PARD3B: variants seen among roughly 807,000 people sequenced by gnomAD.
The protein encoded by PARD3B is par-3 family cell polarity regulator beta, also known as partitioning defective 3 homolog B.
In PARD3B, 103 loss-of-function variants were observed where a neutral mutation model predicts 130.2. That is an observed-to-expected ratio of 0.79 (90% CI 0.67 to 0.93). PARD3B has a LOEUF of 0.93. PARD3B is among the 40% of genes least tolerant of loss of function. The pLI, the probability that PARD3B is intolerant of heterozygous loss-of-function variation, is 0.00. For synonymous variants in PARD3B, 583 were observed against 553.2 expected (o/e 1.05, Z -0.76); for missense variants, 1,609 against 1,499.2 (o/e 1.07, Z -1.21).
intron 2 of PARD3B, among the ~76,000 whole-genome samples, chr2:204,961,997 G>A (rs78372132): frequency 0.045 from 6,772 of 152,174 alleles, 214 homozygotes; most frequent in Middle Eastern, 0.13. Flanking sequence ...AAAATGGGGT[G>A]GGACCTGTGG....
chr2:205,459,342 T>G (rs2048373399), intron 20 of PARD3B, among the ~76,000 whole-genome samples: 1 of 152,146 alleles, frequency 6.6e-6, no homozygotes, highest in Non-Finnish European at 1.5e-5. Flanking sequence ...ATTATTCTCA[T>G]GAGAGTAAGA....
At chr2:204,850,196 G>C (rs1030090723) in intron 2 of PARD3B, among the ~76,000 whole-genome samples, 3 of 152,084 alleles carry the variant, frequency 2.0e-5, no homozygotes, top group African/African-American at 7.2e-5. Context: ...TTTGTTTCAT[G>C]GAAAACAGTA....
At chr2:205,197,669 T>C (rs1166448794) in intron 15 of PARD3B, among the ~76,000 whole-genome samples, 1 of 152,234 alleles carries the variant, frequency 6.6e-6, no homozygotes, top group Non-Finnish European at 1.5e-5. Context: ...TTTAAATAAT[T>C]GCATGTAGTC....
intron 4 of PARD3B, among the ~76,000 whole-genome samples, chr2:205,093,093 G>A (rs573348647): frequency 1.3e-5 from 2 of 152,134 alleles, no homozygotes; most frequent in Admixed American, 6.5e-5. Flanking sequence ...TGGCAACTTC[G>A]AATGCAGAGA....
intron 22 of PARD3B, 46 bp downstream of exon 22, chr2:205,553,449 A>G: frequency 6.4e-7 from 1 of 1,560,314 alleles, no homozygotes; most frequent in Non-Finnish European, 8.8e-7. Flanking sequence ...CTACAAATGA[A>G]GTCTTTAGAG....
chr2:204,728,068 C>T (rs765652719), intron 2 of PARD3B, among the ~76,000 whole-genome samples: 5 of 152,198 alleles, frequency 3.3e-5, no homozygotes, highest in African/African-American at 7.2e-5. Flanking sequence ...GCACTTAGCG[C>T]GGGAGGATGC....
At chr2:205,314,926 C>T (rs544265880) in intron 18 of PARD3B, among the ~76,000 whole-genome samples, 1 of 152,144 alleles carries the variant, frequency 6.6e-6, no homozygotes. Context: ...TCCACCCTTC[C>T]GTCAGTCAAC....
At chr2:204,557,011 T>C (rs1244822527) in intron 1 of PARD3B, among the ~76,000 whole-genome samples, 1 of 152,056 alleles carries the variant, frequency 6.6e-6, no homozygotes, top group Non-Finnish European at 1.5e-5. Context: ...TCAGGATTTT[T>C]TTTTTTTTGA....
At chr2:204,866,669 G>A (rs1273360083) in intron 2 of PARD3B, among the ~76,000 whole-genome samples, 1 of 151,098 alleles carries the variant, frequency 6.6e-6, no homozygotes, top group Non-Finnish European at 1.5e-5. Context: ...ATATATATGT[G>A]TATATATACA....
intron 2 of PARD3B, among the ~76,000 whole-genome samples, chr2:204,749,978 A>C (rs1456777282): frequency 6.6e-6 from 1 of 152,180 alleles, no homozygotes; most frequent in Non-Finnish European, 1.5e-5. Context: ...TTACTTGTTA[A>C]CACTCATCTC....
intron 21 of PARD3B, among the ~76,000 whole-genome samples, chr2:205,515,268 A>G (rs1408182097): frequency 1.4e-4 from 21 of 152,078 alleles, no homozygotes; most frequent in Admixed American, 1.4e-3. Context: ...GGTTGATTCC[A>G]TGTCTTTACT....
At chr2:205,456,135 C>T (rs1368706494) in intron 20 of PARD3B, among the ~76,000 whole-genome samples, 1 of 152,076 alleles carries the variant, frequency 6.6e-6, no homozygotes, top group African/African-American at 2.4e-5. Flanking sequence ...TTTCTTCTTA[C>T]TTCTGAGTAG....
At chr2:204,914,669 C>T (rs1225280554) in intron 2 of PARD3B, among the ~76,000 whole-genome samples, 1 of 152,124 alleles carries the variant, frequency 6.6e-6, no homozygotes, top group African/African-American at 2.4e-5. Context: ...TCAATCCAGC[C>T]TGAAGAGTAG....
intron 2 of PARD3B, among the ~76,000 whole-genome samples, chr2:204,935,033 T>C (rs1688308396): frequency 6.6e-6 from 1 of 152,224 alleles, no homozygotes; most frequent in African/African-American, 2.4e-5. Flanking sequence ...TTATTTGTTA[T>C]ATGACGCTTG....
chr2:204,553,630 G>A (rs62180291), intron 1 of PARD3B, among the ~76,000 whole-genome samples: 75 of 52,120 alleles, frequency 1.4e-3, no homozygotes, highest in South Asian at 2.7e-3. Context: ...ACATATATAT[G>A]GATATATATT....
In PARD3B at chr2:204,906,981, A is replaced by C. The variant is rs2047061074; in HGVS notation, c.223-58171A>C. Among the ~76,000 whole-genome samples the C allele has an allele frequency of 6.6e-6, 1 of 151,926 alleles. No homozygotes were observed. Among genetic ancestry groups the C allele is most frequent in the South Asian group, 2.1e-4 (1 of 4,816 alleles). On this transcript the variant is annotated intron_variant, in intron 2 of 22. Transcript: ENST00000406610. This position sits in a 1 kb window ranked among gnomAD's most constrained non-coding sequence, Gnocchi z 4.3. Reference sequence around the variant, plus strand: ...CTGATTTTTAAGTGGAAAACATGAAAGCTTTTTTTTTTCTTTTCAGACTGA... The same window carrying C: ...CTGATTTTTAAGTGGAAAACATGAACGCTTTTTTTTTTCTTTTCAGACTGA...
At chr2:205,508,031 T>C (rs1437898077) in intron 21 of PARD3B, among the ~76,000 whole-genome samples, 1 of 152,190 alleles carries the variant, frequency 6.6e-6, no homozygotes, top group African/African-American at 2.4e-5. Context: ...ACGATCTGAG[T>C]ACAGATTGTC....
intron 16 of PARD3B, among the ~76,000 whole-genome samples, chr2:205,257,871 CAA>C (rs1226181475): frequency 6.6e-6 from 1 of 152,134 alleles, no homozygotes; most frequent in Non-Finnish European, 1.5e-5. Flanking sequence ...TTAGTTTGAG[CAA>C]AGAGTCTCTA....
intron 15 of PARD3B, among the ~76,000 whole-genome samples, chr2:205,239,830 G>C (rs78934713): frequency 6.6e-6 from 1 of 152,104 alleles, no homozygotes; most frequent in South Asian, 2.1e-4. Flanking sequence ...CAGCACATTC[G>C]AGATGGAACA....
Sources: gnomAD v4.1 joint callset for allele counts (sites outside exome capture counted in the v4.1 genomes callset) on GRCh38, gnomAD v4.1.1 for gene constraint, Gnocchi (gnomAD v3.1) non-coding constraint, MANE v1.5 for transcripts, NCBI Gene and HGNC (gene_info 2026-07-23, HGNC 2026-07-21) for gene names.